Variants in ZNF527 observed in about 807,000 individuals in gnomAD.
The protein encoded by ZNF527 is zinc finger protein 527.
In ZNF527, 5 loss-of-function variants were observed where a neutral mutation model predicts 13.5. The ratio of observed to expected loss-of-function variants is 0.37; its 90% CI spans 0.19 to 0.78. ZNF527 has a LOEUF of 0.78. ZNF527 is among the 30% of genes least tolerant of loss of function. The pLI, the probability that ZNF527 is intolerant of heterozygous loss-of-function variation, is 0.48. For synonymous variants in ZNF527, 209 were observed against 243.1 expected, an observed-to-expected ratio of 0.86 and a Z score of 1.30; for missense variants, 628 against 726.4, an observed-to-expected ratio of 0.86 and a Z score of 1.56.
intron 1 of ZNF527, among the ~76,000 whole-genome samples, chr19:37,373,330 C>T (rs938631919): frequency 3.3e-5 from 5 of 152,166 alleles, no homozygotes; most frequent in Non-Finnish European, 7.3e-5. Context: ...GGGATTATGT[C>T]GGACCTAGTC....
intron 4 of ZNF527, among the ~76,000 whole-genome samples, chr19:37,381,552 C>T (rs531981255): frequency 2.0e-5 from 3 of 152,120 alleles, no homozygotes; most frequent in Non-Finnish European, 2.9e-5. Context: ...GTCTTATTAT[C>T]GGTGATGTTA....
At chr19:37,386,604 G>T (rs1041279444) in intron 4 of ZNF527, among the ~76,000 whole-genome samples, 7 of 152,154 alleles carry the variant, frequency 4.6e-5, no homozygotes, top group African/African-American at 1.7e-4. Flanking sequence ...CTTATACTTA[G>T]TGGCTACCGT....
At chr19:37,384,800 G>A in intron 4 of ZNF527, 1 of 586,848 alleles carries the variant, frequency 1.7e-6, no homozygotes, top group Non-Finnish European at 3.1e-6. Context: ...GGAATGCATT[G>A]TCTATAAAGT....
rs1322482773 is a variant in ZNF527 at position 37,379,154 on chromosome 19, T to C, written c.68T>C (p.Phe23Ser). The change falls in exon 3 of 5, where the codon TTT (phenylalanine) becomes TCT (serine). Residue 23 changes from phenylalanine (F) to serine (S), a missense_variant. Around this residue, in one of 3 missense-constraint regions of ZNF527, gnomAD observed 33 missense variants for 31.2 expected, o/e 1.06. Coordinates refer to ENST00000436120, the MANE Select transcript of ZNF527 (RefSeq NM_032453.2). The part of the protein sequence containing the change: ...LVTFRDVALD[F>S]SQEEWEWLKP... ...ACCTTCAGAGATGTGGCGCTAGACT[T>C]TTCCCAAGAAGAGTGGGAATGGCTG... 6.2e-7 allele frequency: 1 copy of C among 1,614,034 alleles called. No homozygotes were observed. The highest frequency in any genetic ancestry group is 1.1e-5 in the South Asian group (1 of 91,068).
At chr19:37,385,032 C>T (rs2040686844) in intron 4 of ZNF527, 2 of 692,088 alleles carry the variant, frequency 2.9e-6, no homozygotes, top group African/African-American at 1.8e-5. Flanking sequence ...CACTGTGTTG[C>T]CCAGGCTGGT....
chr19:37,371,410 T>C (rs542841369), intron 1 of ZNF527, among the ~76,000 whole-genome samples, 184 bp downstream of exon 1: 1 of 151,832 alleles, frequency 6.6e-6, no homozygotes, highest in East Asian at 1.9e-4. Context: ...TGTGTGTGTG[T>C]GTTTGTGCGC....
intron 2 of ZNF527, among the ~76,000 whole-genome samples, chr19:37,375,508 C>T (rs1245624289): frequency 1.3e-5 from 2 of 151,318 alleles, no homozygotes; most frequent in African/African-American, 2.4e-5. Context: ...ACTATAGGCA[C>T]ACACCACCAC....
intron 2 of ZNF527, among the ~76,000 whole-genome samples, chr19:37,375,302 C>CTTTCT (rs1555826976): frequency 9.6e-6 from 1 of 104,534 alleles, no homozygotes; most frequent in Non-Finnish European, 1.9e-5. Flanking sequence ...TTCTTTCTTT[C>CTTTCT]TTTCTTTCTT....
At chr19:37,384,452 A>G (rs935743314) in intron 4 of ZNF527, among the ~76,000 whole-genome samples, 1 of 152,098 alleles carries the variant, frequency 6.6e-6, no homozygotes, top group Non-Finnish European at 1.5e-5. Context: ...GAGCTGTGAT[A>G]GTGCCACTGG....
chr19:37,373,300 TTATGTG>T (rs1357981636), intron 1 of ZNF527, among the ~76,000 whole-genome samples: 2 of 152,308 alleles, frequency 1.3e-5, no homozygotes, highest in Non-Finnish European at 2.9e-5. Context: ...GGTGAGAATT[TTATGTG>T]TATGTGAGAT....
At position 37,389,613 on chromosome 19, in the gene ZNF527, G is replaced by A. The variant is rs2040734169; in HGVS notation, c.1564G>A (p.Gly522Arg). The change falls in exon 5 of 5, where the codon GGA (glycine) becomes AGA (arginine). Residue 522 changes from glycine (G) to arginine (R), a missense_variant. Transcript: ENST00000436120. ...AATTCACCATAAGAGAAGTCATGCAGGAGAGAAACCCTATGAATGTAACAA... is the reference window on the plus strand; with the variant it reads ...AATTCACCATAAGAGAAGTCATGCAAGAGAGAAACCCTATGAATGTAACAA... ...VLIHHKRSHA[G>R]EKPYECNKCG... 3 of 1,614,162 alleles carry A rather than the reference G, an allele frequency of 1.9e-6. No individual in the cohort carries two copies. The highest frequency in any genetic ancestry group is 4.5e-5 in the East Asian group (2 of 44,868).
chr19:37,383,000 C>G (rs753612880), intron 4 of ZNF527, among the ~76,000 whole-genome samples: 24 of 152,276 alleles, frequency 1.6e-4, no homozygotes, highest in Non-Finnish European at 2.1e-4. Flanking sequence ...AGCCACCATG[C>G]CCGGCCGTAT....
chr19:37,383,807 G>C (rs982769600), intron 4 of ZNF527, among the ~76,000 whole-genome samples: 1 of 151,986 alleles, frequency 6.6e-6, no homozygotes, highest in Admixed American at 6.5e-5. Context: ...AAAGTGCTGG[G>C]AGTACAGGCA....
Position 37,388,408 on chromosome 19 carries a change from G to A in ZNF527, c.359G>A (p.Gly120Asp). The A allele has an allele frequency of 6.2e-7, 1 of 1,614,168 alleles. No homozygotes were observed. Among genetic ancestry groups the A allele is most frequent in the Non-Finnish European group, 8.5e-7 (1 of 1,180,026 alleles). The change falls in exon 5 of 5, where the codon GGC (glycine) becomes GAC (aspartate). Residue 120 changes from glycine to aspartate, a missense_variant. This residue lies in a region of ZNF527 where 592 missense variants were observed against 678.0 expected (regional missense o/e 0.87). Transcript: ENST00000436120. ...EMVMERLASH[G>D]LECSSFREAW... is the part of the protein sequence containing the mutation. ...GTAATGGAAAGGCTAGCAAGTCATGGCCTTGAATGCTCCAGTTTCAGAGAA... is the reference window on the plus strand; with the variant it reads ...GTAATGGAAAGGCTAGCAAGTCATGACCTTGAATGCTCCAGTTTCAGAGAA...
At position 37,389,155 on chromosome 19, in the gene ZNF527, G is replaced by A. The variant is rs1459317357; in HGVS notation, c.1106G>A (p.Arg369His). ...ACNECGKAFSRYAFLVEHQRI... is the reference protein window; with the variant it reads ...ACNECGKAFSHYAFLVEHQRI... The stretch of plus-strand genomic sequence containing the variant: ...AATGAATGTGGGAAGGCCTTTAGCC[G>A]TTATGCCTTCCTTGTTGAACATCAG... The change falls in exon 5 of 5, where the codon CGT becomes CAT. Residue 369 changes from arginine to histidine, a missense_variant. Transcript: ENST00000436120. 17 of 1,613,596 alleles carry A rather than the reference G, an allele frequency of 1.1e-5. No individual in the cohort carries two copies. The highest frequency in any genetic ancestry group is 1.6e-4 in the Middle Eastern group (1 of 6,080).
chr19:37,375,294 C>CTTTGT (rs1305545666), intron 2 of ZNF527, among the ~76,000 whole-genome samples: 13 of 104,268 alleles, frequency 1.2e-4, no homozygotes, highest in African/African-American at 5.1e-4. Context: ...TTCTTTCTTT[C>CTTTGT]TTTCTTTCTT....
Position 37,379,126 on chromosome 19 carries a change from G to A in ZNF527, c.40G>A (p.Val14Met). The change falls in exon 3 of 5, where the codon GTG (valine) becomes ATG (methionine). Residue 14 changes from valine to methionine, a missense_variant. This residue lies in a region of ZNF527 where 33 missense variants were observed against 31.2 expected (regional missense o/e 1.06). Coordinates refer to ENST00000436120, the MANE Select transcript of ZNF527 (RefSeq NM_032453.2). The stretch of plus-strand genomic sequence containing the variant: ...AAGAATTTTTTTATTTCAGGGGTTG[G>A]TGACCTTCAGAGATGTGGCGCTAGA... Reference protein sequence around the residue: ...GLCKAMSQGLVTFRDVALDFS... With the variant: ...GLCKAMSQGLMTFRDVALDFS... 1.2e-6 allele frequency: 2 copies of A among 1,614,084 alleles called. No individual in the cohort carries two copies. The highest frequency in any genetic ancestry group is 3.3e-5 in the Admixed American group (2 of 60,006).
chr19:37,389,666 A>G lies in ZNF527; in HGVS notation c.1617A>G (p.Ser539=), dbSNP rs763019117. ...GTGGAAAGGCCTTCAGTTGTGGCTC[A>G]TATCTTAATCAACATCAAAGAATTC... is the stretch of plus-strand genomic sequence containing the variant. ...NKCGKAFSCG[S]YLNQHQRIHT... Residue 539 remains serine, a synonymous_variant, in exon 5 of 5, where the codon TCA becomes TCG. Coordinates refer to ENST00000436120, the MANE Select transcript of ZNF527 (RefSeq NM_032453.2). 1.2e-6 allele frequency: 2 copies of G among 1,614,028 alleles called. No homozygotes were observed. The highest frequency in any genetic ancestry group is 2.2e-5 in the East Asian group (1 of 44,850).
At chr19:37,374,090 T>C in intron 1 of ZNF527, 68 bp from the exon 2 acceptor site, 2 of 1,040,616 alleles carry the variant, frequency 1.9e-6, no homozygotes, top group Non-Finnish European at 3.0e-6. Flanking sequence ...AGTAGTATTT[T>C]TGTGGGTCTT....
Sources: allele counts gnomAD v4.1 joint callset (sites outside exome capture counted in the v4.1 genomes callset), GRCh38; gene constraint gnomAD v4.1.1; regional missense constraint gnomAD v4.1.1; transcripts MANE v1.5; gene names NCBI Gene and HGNC (gene_info 2026-07-23, HGNC 2026-07-21).